R3HCC1L: variants seen among roughly 807,000 people sequenced by gnomAD.
R3HCC1L encodes the protein R3H domain and coiled-coil containing 1 like, also known as coiled-coil domain-containing protein R3HCC1L.
In R3HCC1L, 51 loss-of-function variants were observed where a neutral mutation model predicts 59.9. The observed-to-expected ratio is 0.85, with a 90% CI of 0.68 to 1.07. The LOEUF (loss-of-function observed/expected upper bound fraction) is 1.07, where lower values mean the gene tolerates loss of function less well. Among genes scored for constraint, R3HCC1L ranks in the 50% least tolerant of loss-of-function variants. The pLI, the probability that R3HCC1L is intolerant of heterozygous loss-of-function variation, is 0.00. For missense variants in R3HCC1L, 965 were observed against 933.0 expected, an observed-to-expected ratio of 1.03 and a Z score of -0.45; for synonymous variants, 322 against 315.2, an observed-to-expected ratio of 1.02 and a Z score of -0.23.
chr10:98,152,110 G>A (rs540633969), intron 1 of R3HCC1L, among the ~76,000 whole-genome samples: 7 of 152,316 alleles, frequency 4.6e-5, no homozygotes, highest in Middle Eastern at 3.4e-3. Flanking sequence ...GCGCCGCCAC[G>A]CCTGACTGGT....
chr10:98,141,738 T>A (rs866772657), intron 1 of R3HCC1L, among the ~76,000 whole-genome samples: 1 of 152,190 alleles, frequency 6.6e-6, no homozygotes, highest in Non-Finnish European at 1.5e-5. Context: ...AATTTGAGCT[T>A]CTTTGCAGCA....
intron 4 of R3HCC1L, among the ~76,000 whole-genome samples, chr10:98,180,832 T>C (rs1047542490): frequency 2.0e-5 from 3 of 152,222 alleles, no homozygotes; most frequent in Non-Finnish European, 2.9e-5. Context: ...TTTTGATCTT[T>C]GTTGGTTTAA....
At chr10:98,136,806 T>C (rs754830444) in intron 1 of R3HCC1L, among the ~76,000 whole-genome samples, 11 of 152,162 alleles carry the variant, frequency 7.2e-5, no homozygotes, top group African/African-American at 2.7e-4. Flanking sequence ...CACTGCACTC[T>C]AGCCTGGCCG....
intron 8 of R3HCC1L, 35 bp downstream of exon 8, chr10:98,235,555 A>G (rs1473871054): frequency 2.6e-6 from 4 of 1,514,932 alleles, no homozygotes; most frequent in Admixed American, 1.9e-5. Flanking sequence ...TTTCTTGCTG[A>G]TGGTGGTATT....
chr10:98,210,595 G>A (rs1853454299), intron 5 of R3HCC1L, among the ~76,000 whole-genome samples: 1 of 152,096 alleles, frequency 6.6e-6, no homozygotes, highest in African/African-American at 2.4e-5. Context: ...TTAAGTAGTA[G>A]AACACTCCCT....
rs183322888 is a variant in R3HCC1L at position 98,157,588 on chromosome 10, G to C, written c.-213+1441G>C. Among the ~76,000 whole-genome samples, 186 of 152,342 alleles carry C rather than the reference G, an allele frequency of 1.2e-3. 1 individual carries two copies. The highest frequency in any genetic ancestry group is 2.1e-3 in the Non-Finnish European group (141 of 68,038). On this transcript the variant is annotated intron_variant, in intron 2 of 9. Coordinates refer to ENST00000298999, the MANE Select transcript of R3HCC1L (RefSeq NM_001351015.2). ...GATTTCTGATGGTAAATTGGGTTGA[G>C]TGGCAGCTTTCTCTACTGCTGGTTT...
chr10:98,188,790 A>G (rs1850514245), intron 4 of R3HCC1L, among the ~76,000 whole-genome samples: 1 of 152,050 alleles, frequency 6.6e-6, no homozygotes, highest in Non-Finnish European at 1.5e-5. Context: ...GAGCACAGAC[A>G]TTGGTCTCAG....
At chr10:98,221,920 G>A (rs550983503) in intron 5 of R3HCC1L, among the ~76,000 whole-genome samples, 1 of 152,216 alleles carries the variant, frequency 6.6e-6, no homozygotes, top group African/African-American at 2.4e-5. Flanking sequence ...GTGAAGAAAG[G>A]CATTAGTAGC....
At chr10:98,232,968 G>A (rs920587799) in intron 6 of R3HCC1L, among the ~76,000 whole-genome samples, 1 of 152,118 alleles carries the variant, frequency 6.6e-6, no homozygotes, top group Non-Finnish European at 1.5e-5. Flanking sequence ...GAAAGAAAGG[G>A]TGAATGGATC....
At chr10:98,166,401 G>A (rs1487262794) in intron 4 of R3HCC1L, among the ~76,000 whole-genome samples, 4 of 152,176 alleles carry the variant, frequency 2.6e-5, no homozygotes, top group African/African-American at 4.8e-5. Flanking sequence ...CATGAACTAA[G>A]ACAACCAGTT....
chr10:98,186,061 A>G (rs976950782), intron 4 of R3HCC1L, among the ~76,000 whole-genome samples: 1 of 152,168 alleles, frequency 6.6e-6, no homozygotes, highest in Non-Finnish European at 1.5e-5. Context: ...TCCAGTAAAA[A>G]TCTTGGTATG....
At chr10:98,161,297 A>G (rs1036205612) in intron 2 of R3HCC1L, among the ~76,000 whole-genome samples, 1 of 152,118 alleles carries the variant, frequency 6.6e-6, no homozygotes, top group Non-Finnish European at 1.5e-5. Flanking sequence ...ACATCTTTTC[A>G]TATGTTTAAG....
Position 98,209,087 on chromosome 10 carries a change from G to C in R3HCC1L, c.973G>C (p.Val325Leu). The C allele has an allele frequency of 3.1e-6, 5 of 1,614,052 alleles. No individual in the cohort carries two copies. Among genetic ancestry groups the C allele is most frequent in the Non-Finnish European group, 4.2e-6 (5 of 1,179,964 alleles). ...ISLSESTNDT[V>L]SPVMIRECEK... ...TCTGTCAGAGAGCACAAATGACACT[G>C]TTAGTCCAGTAATGATTAGAGAATG... is the stretch of plus-strand genomic sequence containing the variant. Residue 325 changes from valine to leucine, a missense_variant, in exon 5 of 10, where the codon GTT becomes CTT. Transcript: ENST00000298999.
At chr10:98,199,050 A>AT (rs71007381) in intron 4 of R3HCC1L, among the ~76,000 whole-genome samples, 48,751 of 151,904 alleles carry the variant, frequency 0.32, 8,005 homozygotes, top group East Asian at 0.48. Context: ...GACATTTTGC[A>AT]TTTTTTTGTA....
intron 5 of R3HCC1L, among the ~76,000 whole-genome samples, chr10:98,230,163 C>T (rs1856198429): frequency 6.6e-6 from 1 of 152,164 alleles, no homozygotes; most frequent in African/African-American, 2.4e-5. Flanking sequence ...ATGGTATCAG[C>T]TCCTCCTTGT....
chr10:98,233,364 A>G (rs193203734), intron 6 of R3HCC1L, among the ~76,000 whole-genome samples: 2 of 152,338 alleles, frequency 1.3e-5, no homozygotes, highest in Non-Finnish European at 2.9e-5. Context: ...AAGGCCCTCT[A>G]GAACCCATCT....
At chr10:98,170,781 T>C (rs1018859103) in intron 4 of R3HCC1L, among the ~76,000 whole-genome samples, 1 of 152,238 alleles carries the variant, frequency 6.6e-6, no homozygotes, top group Non-Finnish European at 1.5e-5. Flanking sequence ...AGAGGACACA[T>C]TGACCCTCTG....
At chr10:98,190,906 T>C (rs901769233) in intron 4 of R3HCC1L, among the ~76,000 whole-genome samples, 2 of 151,914 alleles carry the variant, frequency 1.3e-5, no homozygotes, top group African/African-American at 2.4e-5. Context: ...ATGTGGTGTT[T>C]GGTTTTCTGT....
intron 6 of R3HCC1L, among the ~76,000 whole-genome samples, chr10:98,233,435 T>C (rs896975198): frequency 4.6e-5 from 7 of 152,194 alleles, no homozygotes; most frequent in African/African-American, 1.7e-4. Context: ...ATAAAAGTAA[T>C]GAACACCATT....
Sources: gnomAD v4.1 joint callset for allele counts (sites outside exome capture counted in the v4.1 genomes callset) on GRCh38, gnomAD v4.1.1 for gene constraint, MANE v1.5 for transcripts, NCBI Gene and HGNC (gene_info 2026-07-23, HGNC 2026-07-21) for gene names.